Variants in SCFD2 observed in about 807,000 individuals in gnomAD.
SCFD2 encodes the protein sec1 family domain-containing protein 2.
SCFD2 carries 54 observed loss-of-function variants against 58.9 expected under a neutral mutation model. That is an observed-to-expected ratio of 0.92 (90% CI 0.74 to 1.15). SCFD2 has a LOEUF of 1.15. Among genes scored for constraint, SCFD2 ranks in the 50% most tolerant of loss-of-function variants. The pLI, the probability that SCFD2 is intolerant of heterozygous loss-of-function variation, is 0.00. For missense variants in SCFD2, 805 were observed against 836.6 expected, an observed-to-expected ratio of 0.96 and a Z score of 0.47; for synonymous variants, 321 against 335.9, an observed-to-expected ratio of 0.96 and a Z score of 0.49.
intron 4 of SCFD2, among the ~76,000 whole-genome samples, chr4:53,201,358 C>T (rs1728231055): frequency 6.6e-6 from 1 of 152,114 alleles, no homozygotes; most frequent in Non-Finnish European, 1.5e-5. Flanking sequence ...ATGAACTCAT[C>T]CTTTTTTATG....
chr4:53,187,831 A>T (rs1727782078), intron 4 of SCFD2, among the ~76,000 whole-genome samples: 1 of 152,186 alleles, frequency 6.6e-6, no homozygotes, highest in Admixed American at 6.6e-5. Flanking sequence ...GAAAACCATA[A>T]CATTTTCTAA....
At chr4:53,363,794 T>G (rs1734618060) in intron 1 of SCFD2, among the ~76,000 whole-genome samples, 1 of 127,964 alleles carries the variant, frequency 7.8e-6, no homozygotes. Flanking sequence ...GCCATTGCAC[T>G]CCAGCCTGGG....
rs376510460 is a variant in SCFD2 at position 53,214,865 on chromosome 4, A to G, written c.1311+58961T>C. 1.4e-4 allele frequency among the ~76,000 whole-genome samples: 22 copies of G among 152,246 alleles called. 1 individual carries two copies. In the South Asian group the frequency reaches 3.9e-3, roughly 27 times the overall value. On this transcript the variant is annotated intron_variant, in intron 4 of 8. Transcript: ENST00000401642. ...GGAAGGGATCCAGTTTCAGCTCTCT[A>G]CATATGGCTAGCCAGTTTTCCCAGC...
chr4:53,046,139 T>G (rs1306599906), intron 5 of SCFD2, among the ~76,000 whole-genome samples: 1 of 152,174 alleles, frequency 6.6e-6, no homozygotes, highest in African/African-American at 2.4e-5. Context: ...ATATCCATAC[T>G]AAAAAATCTT....
chr4:53,217,656 T>C (rs1264046602), intron 4 of SCFD2, among the ~76,000 whole-genome samples: 1 of 152,192 alleles, frequency 6.6e-6, no homozygotes, highest in Admixed American at 6.5e-5. Context: ...AAGGTTAATA[T>C]CGTTATGTGT....
chr4:53,275,323 A>T (rs1731296188), intron 3 of SCFD2, among the ~76,000 whole-genome samples: 1 of 152,144 alleles, frequency 6.6e-6, no homozygotes. Context: ...CTTCATTACC[A>T]GTTTATCAGG....
intron 5 of SCFD2, among the ~76,000 whole-genome samples, chr4:52,984,300 C>G (rs1280852110): frequency 2.0e-5 from 3 of 152,150 alleles, no homozygotes; most frequent in African/African-American, 7.2e-5. Context: ...ACTGACATAA[C>G]AAAGTGAAGA....
intron 5 of SCFD2, among the ~76,000 whole-genome samples, chr4:53,041,664 A>T (rs1722903926): frequency 6.6e-6 from 1 of 152,190 alleles, no homozygotes; most frequent in African/African-American, 2.4e-5. Flanking sequence ...TGCCTTTGAA[A>T]ATGGAAGTGT....
At chr4:53,097,700 A>G (rs558451978) in intron 5 of SCFD2, among the ~76,000 whole-genome samples, 2 of 152,048 alleles carry the variant, frequency 1.3e-5, no homozygotes, top group African/African-American at 4.8e-5. Context: ...AATTGAATAC[A>G]CTTTATTTCT....
At chr4:53,032,343 T>C (rs1722636194) in intron 5 of SCFD2, among the ~76,000 whole-genome samples, 1 of 152,084 alleles carries the variant, frequency 6.6e-6, no homozygotes, top group Non-Finnish European at 1.5e-5. Flanking sequence ...ACATACCAAA[T>C]TGTAAAGACC....
At chr4:53,015,313 T>TA (rs1321530238) in intron 5 of SCFD2, among the ~76,000 whole-genome samples, 2 of 152,206 alleles carry the variant, frequency 1.3e-5, no homozygotes, top group African/African-American at 4.8e-5. Context: ...GTCATTCATC[T>TA]AGTGTTACTG....
chr4:52,992,417 TGCCGA>T (rs1721633118), intron 5 of SCFD2, among the ~76,000 whole-genome samples: 2 of 152,194 alleles, frequency 1.3e-5, no homozygotes. Flanking sequence ...CCTCCCAAAG[TGCCGA>T]GATTGCAGCC....
chr4:53,007,305 G>GGGGAGAGAGAGA (rs1553913998), intron 5 of SCFD2, among the ~76,000 whole-genome samples: 1 of 66,072 alleles, frequency 1.5e-5, no homozygotes, highest in Non-Finnish European at 2.7e-5. Flanking sequence ...AGAGGGAGAG[G>GGGGAGAGAGAGA]GAGAGAGAGA....
chr4:53,286,840 G>C (rs1288556046), intron 3 of SCFD2, among the ~76,000 whole-genome samples: 3 of 151,894 alleles, frequency 2.0e-5, no homozygotes, highest in Non-Finnish European at 4.4e-5. Context: ...CCCATTCCTG[G>C]GCCCTTGGTG....
intron 7 of SCFD2, among the ~76,000 whole-genome samples, chr4:52,895,477 C>G (rs1718984122): frequency 6.6e-6 from 1 of 152,124 alleles, no homozygotes; most frequent in South Asian, 2.1e-4. Context: ...CAGCTTCATC[C>G]ATGTCCCTAC....
chr4:53,299,205 T>TA, intron 3 of SCFD2, among the ~76,000 whole-genome samples: 1 of 152,186 alleles, frequency 6.6e-6, no homozygotes, highest in East Asian at 1.9e-4. Flanking sequence ...GAAAAAAAGT[T>TA]AGATGAATGG....
chr4:53,244,648 A>G (rs1011393851), intron 4 of SCFD2, among the ~76,000 whole-genome samples: 1 of 152,148 alleles, frequency 6.6e-6, no homozygotes, highest in Non-Finnish European at 1.5e-5. Context: ...TCTGATGTCC[A>G]CATCAAATTA....
At chr4:52,965,285 T>A (rs1720938757) in intron 5 of SCFD2, among the ~76,000 whole-genome samples, 1 of 152,140 alleles carries the variant, frequency 6.6e-6, no homozygotes, top group African/African-American at 2.4e-5. Flanking sequence ...TTTCATGGCA[T>A]ATTATTGGAT....
At chr4:53,096,565 G>GTTT (rs1179267545) in intron 5 of SCFD2, among the ~76,000 whole-genome samples, 1 of 152,056 alleles carries the variant, frequency 6.6e-6, no homozygotes, top group Non-Finnish European at 1.5e-5. Flanking sequence ...TGATGGGGTT[G>GTTT]TTTTTTTCTT....
Sources: allele counts gnomAD v4.1 joint callset (sites outside exome capture counted in the v4.1 genomes callset), GRCh38; gene constraint gnomAD v4.1.1; transcripts MANE v1.5; gene names NCBI Gene and HGNC (gene_info 2026-07-23, HGNC 2026-07-21).